The following WDFY3 variants were observed in gnomAD, a reference collection of about 807,000 sequenced individuals.
The protein encoded by WDFY3 is WD repeat and FYVE domain-containing protein 3.
WDFY3 carries 66 observed loss-of-function variants against 409.6 expected under a neutral mutation model. That is an observed-to-expected ratio of 0.16 (90% CI 0.13 to 0.20). The LOEUF (loss-of-function observed/expected upper bound fraction) is 0.20, where lower values mean the gene tolerates loss of function less well. Ranked by LOEUF, WDFY3 falls within the 10% of genes least tolerant of loss-of-function variation. WDFY3 has a pLI of 1.00. For missense variants in WDFY3, 3,031 were observed against 4,298.1 expected (o/e 0.71, Z 8.24); for synonymous variants, 1,521 against 1,537.1 (o/e 0.99, Z 0.25).
chr4:84,954,074 G>A (rs1276635845), intron 1 of WDFY3, among the ~76,000 whole-genome samples: 4 of 152,038 alleles, frequency 2.6e-5, no homozygotes, highest in African/African-American at 9.7e-5. Context: ...CATAGTACCC[G>A]TGATACCCAG....
intron 1 of WDFY3, among the ~76,000 whole-genome samples, chr4:84,962,765 C>G (rs1402865161): frequency 6.6e-6 from 1 of 151,538 alleles, no homozygotes; most frequent in Non-Finnish European, 1.5e-5. Context: ...CCTCCACCTC[C>G]CCAGTTCAAG....
intron 53 of WDFY3, 30 bp downstream of exon 53, chr4:84,708,879 T>C (rs754406895): frequency 9.3e-6 from 15 of 1,606,358 alleles, no homozygotes; most frequent in South Asian, 8.9e-5. Context: ...GAAAATGTGT[T>C]CTACGTAAGC....
intron 17 of WDFY3, among the ~76,000 whole-genome samples, chr4:84,800,447 T>G (rs1022514297): frequency 1.3e-5 from 2 of 152,280 alleles, no homozygotes; most frequent in African/African-American, 4.8e-5. Flanking sequence ...CATATGTAAG[T>G]ATATATTTCT....
At chr4:84,939,375 A>G (rs1264923120) in intron 1 of WDFY3, among the ~76,000 whole-genome samples, 1 of 152,154 alleles carries the variant, frequency 6.6e-6, no homozygotes, top group African/African-American at 2.4e-5. Context: ...CATAATCACT[A>G]TATTATCCCT....
chr4:84,844,778 A>C (rs913712756), intron 5 of WDFY3, among the ~76,000 whole-genome samples: 1 of 152,236 alleles, frequency 6.6e-6, no homozygotes, highest in Non-Finnish European at 1.5e-5. Context: ...CAGAATTAGA[A>C]CTGGCTGAGC....
intron 22 of WDFY3, among the ~76,000 whole-genome samples, chr4:84,788,802 C>T (rs1374204985): frequency 6.6e-6 from 1 of 152,078 alleles, no homozygotes; most frequent in African/African-American, 2.4e-5. Context: ...TGAGGATCAC[C>T]TGAGGTCAGG....
intron 61 of WDFY3, among the ~76,000 whole-genome samples, chr4:84,688,718 T>A (rs2148832785): frequency 6.6e-6 from 1 of 150,990 alleles, no homozygotes; most frequent in African/African-American, 2.4e-5. Context: ...GAATTTTTTT[T>A]TAAAAAAATG....
At chr4:84,685,270 G>A (rs1457379236) in intron 62 of WDFY3, among the ~76,000 whole-genome samples, 2 of 152,192 alleles carry the variant, frequency 1.3e-5, no homozygotes, top group Non-Finnish European at 2.9e-5. Context: ...GGTGGAGGAG[G>A]CTGGGGTAGG....
chr4:84,894,409 G>C (rs532010334), intron 3 of WDFY3, among the ~76,000 whole-genome samples: 14 of 151,842 alleles, frequency 9.2e-5, no homozygotes, highest in Non-Finnish European at 1.6e-4. Flanking sequence ...CTGTAATCTC[G>C]GCACTTTGGG....
At chr4:84,946,357 T>C (rs1772827348) in intron 1 of WDFY3, among the ~76,000 whole-genome samples, 1 of 152,202 alleles carries the variant, frequency 6.6e-6, no homozygotes, top group Non-Finnish European at 1.5e-5. Flanking sequence ...TTATTTCCTC[T>C]TCCTTTCCCT....
intron 36 of WDFY3, among the ~76,000 whole-genome samples, chr4:84,745,827 C>G (rs1002972609): frequency 6.6e-6 from 1 of 152,056 alleles, no homozygotes; most frequent in African/African-American, 2.4e-5. Flanking sequence ...CAAGCCGATA[C>G]TACATTGGGA....
intron 37 of WDFY3, among the ~76,000 whole-genome samples, chr4:84,743,156 C>T (rs1391648228): frequency 6.6e-6 from 1 of 152,158 alleles, no homozygotes; most frequent in Non-Finnish European, 1.5e-5. Flanking sequence ...AGTATACTAA[C>T]CCATTATGTT....
chr4:84,911,718 T>C (rs1233097463), intron 2 of WDFY3, among the ~76,000 whole-genome samples: 2 of 152,166 alleles, frequency 1.3e-5, no homozygotes, highest in Non-Finnish European at 2.9e-5. Flanking sequence ...AAAAAGTAAG[T>C]AGGTCATGAA....
At chr4:84,745,385 G>C (rs1739254875) in intron 36 of WDFY3, among the ~76,000 whole-genome samples, 1 of 152,170 alleles carries the variant, frequency 6.6e-6, no homozygotes, top group Admixed American at 6.5e-5. Context: ...TTCTTGAATA[G>C]AGAGATCCAG....
chr4:84,697,489 A>G (rs1196065750), intron 56 of WDFY3, among the ~76,000 whole-genome samples: 1 of 152,238 alleles, frequency 6.6e-6, no homozygotes, highest in Non-Finnish European at 1.5e-5. Flanking sequence ...ACATGTTGTG[A>G]TAAAGCACAT....
At position 84,800,328 on chromosome 4, in the gene WDFY3, T is replaced by C. The variant is rs559200045; in HGVS notation, c.2822+1322A>G. Among the ~76,000 whole-genome samples the C allele has an allele frequency of 9.2e-5, 14 of 152,320 alleles. No homozygotes were observed. The South Asian group carries it at 2.9e-3, about 32-fold the overall frequency. ...AATAATAAGTTATGTAACAGCAGTG[T>C]TATAGAGTTTATATAGGGGCAGCCT... On this transcript the variant is annotated intron_variant, in intron 17 of 67. Transcript: ENST00000295888.
intron 1 of WDFY3, among the ~76,000 whole-genome samples, chr4:84,954,378 G>T (rs1188771195): frequency 6.6e-6 from 1 of 151,880 alleles, no homozygotes; most frequent in East Asian, 1.9e-4. Context: ...CTCAACTATG[G>T]CATTTATCAT....
At chr4:84,739,590 C>T (rs959694061) in intron 39 of WDFY3, among the ~76,000 whole-genome samples, 5 of 152,092 alleles carry the variant, frequency 3.3e-5, no homozygotes, top group Admixed American at 1.3e-4. Context: ...TCTTGTCCTC[C>T]CCAACCAGGT....
chr4:84,695,353 G>A (rs1729912714), intron 58 of WDFY3, among the ~76,000 whole-genome samples: 1 of 151,940 alleles, frequency 6.6e-6, no homozygotes, highest in Non-Finnish European at 1.5e-5. Context: ...GCACTTATTA[G>A]GCCTATGTCA....
Sources: gnomAD v4.1 joint callset for allele counts (sites outside exome capture counted in the v4.1 genomes callset) on GRCh38, gnomAD v4.1.1 for gene constraint, MANE v1.5 for transcripts, NCBI Gene and HGNC (gene_info 2026-07-23, HGNC 2026-07-21) for gene names.